Variants in TEX36 observed in about 807,000 individuals in gnomAD.
TEX36 encodes testis expressed 36, also known as testis-expressed protein 36.
Under a neutral mutation model 13.6 loss-of-function variants are expected in TEX36, and 12 were observed. That is an observed-to-expected ratio of 0.88 (90% CI 0.56 to 1.43). The LOEUF is 1.43. TEX36 is among the 40% of genes most tolerant of loss of function. TEX36 has a pLI of 0.00. For missense variants in TEX36, 224 were observed against 228.3 expected, an observed-to-expected ratio of 0.98 and a Z score of 0.12; for synonymous variants, 93 against 83.0, an observed-to-expected ratio of 1.12 and a Z score of -0.65.
intron 3 of TEX36, among the ~76,000 whole-genome samples, chr10:125,598,111 TG>T (rs1846104206): frequency 6.6e-6 from 1 of 152,144 alleles, no homozygotes; most frequent in Non-Finnish European, 1.5e-5. Context: ...CTAGGGTCTG[TG>T]GGCCACCTGC....
At chr10:125,619,898 T>C (rs1846408410), downstream of TEX36, among the ~76,000 whole-genome samples, 1 of 151,106 alleles carries the variant, frequency 6.6e-6, no homozygotes, top group African/African-American at 2.4e-5. Flanking sequence ...TATGTGTGCA[T>C]ATATATATAT....
intron 1 of TEX36, among the ~76,000 whole-genome samples, chr10:125,673,989 T>C (rs1847273076): frequency 6.6e-6 from 1 of 152,140 alleles, no homozygotes; most frequent in African/African-American, 2.4e-5. Context: ...TTGGGGAAGT[T>C]CTGGATGATA....
chr10:125,615,734 C>T (rs1306661096), intron 3 of TEX36, among the ~76,000 whole-genome samples: 1 of 151,726 alleles, frequency 6.6e-6, no homozygotes, highest in Non-Finnish European at 1.5e-5. Flanking sequence ...GGATATTGGT[C>T]TAAAATTCTC....
intron 3 of TEX36, among the ~76,000 whole-genome samples, chr10:125,613,215 TC>T (rs1565174367): frequency 8.1e-6 from 1 of 123,414 alleles, no homozygotes; most frequent in African/African-American, 3.6e-5. Context: ...TTTCCCCACT[TC>T]CTTTTTTTTT....
At chr10:125,648,056 T>C (rs1490530942) in intron 3 of TEX36, among the ~76,000 whole-genome samples, 1 of 152,224 alleles carries the variant, frequency 6.6e-6, no homozygotes, top group African/African-American at 2.4e-5. Context: ...GGCCTGCCTC[T>C]GTAGACTTCA....
intron 3 of TEX36, among the ~76,000 whole-genome samples, chr10:125,591,848 G>A (rs1373998734): frequency 2.0e-5 from 3 of 152,066 alleles, no homozygotes; most frequent in Non-Finnish European, 4.4e-5. Flanking sequence ...CTGCTTGTAT[G>A]AGAATCATTA....
intron 1 of TEX36, among the ~76,000 whole-genome samples, chr10:125,681,418 T>A (rs1027572782): frequency 6.6e-6 from 1 of 152,258 alleles, no homozygotes; most frequent in East Asian, 1.9e-4. Context: ...GAAAGCTACT[T>A]AATCTGAGCA....
At chr10:125,643,420 G>A (rs528486288) in intron 3 of TEX36, among the ~76,000 whole-genome samples, 159 of 152,084 alleles carry the variant, frequency 1.0e-3, no homozygotes, top group Non-Finnish European at 1.8e-3. Flanking sequence ...CCAGCCTGGC[G>A]AACATGGCGA....
At chr10:125,637,489 C>G (rs985043737) in intron 3 of TEX36, among the ~76,000 whole-genome samples, 2 of 152,064 alleles carry the variant, frequency 1.3e-5, no homozygotes, top group African/African-American at 4.8e-5. Context: ...ACCTGTTGAC[C>G]GGATGTCCAG....
chr10:125,617,676 C>T (rs1263912775), downstream of TEX36, among the ~76,000 whole-genome samples: 1 of 152,204 alleles, frequency 6.6e-6, no homozygotes, highest in Non-Finnish European at 1.5e-5. Flanking sequence ...TGATGGGCTT[C>T]CCTTTGAGGG....
At chr10:125,667,846 C>T in intron 1 of TEX36, 1 of 1,502,214 alleles carries the variant, frequency 6.7e-7, no homozygotes, top group Non-Finnish European at 9.2e-7. Context: ...TCCCAGTGGA[C>T]TCATCTGCAG....
chr10:125,576,849 T>C, exon 4 of TEX36: 1 of 1,536,116 alleles, frequency 6.5e-7, no homozygotes, highest in Non-Finnish European at 8.7e-7. Context: ...TGGTTCTCCC[T>C]GTGGGTCCGT....
At chr10:125,583,611 G>A (rs960669416) in intron 3 of TEX36, among the ~76,000 whole-genome samples, 8 of 152,192 alleles carry the variant, frequency 5.3e-5, no homozygotes, top group African/African-American at 1.9e-4. Flanking sequence ...CATGTAAATT[G>A]TAGAGGACAC....
intron 3 of TEX36, among the ~76,000 whole-genome samples, chr10:125,644,889 C>T (rs549309698): frequency 1.3e-5 from 2 of 152,310 alleles, no homozygotes; most frequent in South Asian, 4.1e-4. Context: ...GATTGCAAAA[C>T]TTGAGAGAGG....
chr10:125,670,312 T>C (rs12400851), intron 1 of TEX36, among the ~76,000 whole-genome samples: 1 of 152,164 alleles, frequency 6.6e-6, no homozygotes, highest in African/African-American at 2.4e-5. Context: ...TGGTATCTCA[T>C]TGTGGTTTTG....
chr10:125,655,583 T>G, downstream of TEX36: 3 of 742,120 alleles, frequency 4.0e-6, no homozygotes, highest in South Asian at 5.4e-5. Flanking sequence ...CATACAGGAT[T>G]GGAGATGTGG....
At chr10:125,675,169 G>A (rs1311680966) in intron 1 of TEX36, among the ~76,000 whole-genome samples, 1 of 152,180 alleles carries the variant, frequency 6.6e-6, no homozygotes, top group East Asian at 1.9e-4. Flanking sequence ...ATGGACCAGA[G>A]TCCAGCTTAA....
At chr10:125,675,739 T>C (rs1847301152) in intron 1 of TEX36, among the ~76,000 whole-genome samples, 1 of 152,190 alleles carries the variant, frequency 6.6e-6, no homozygotes, top group African/African-American at 2.4e-5. Context: ...TCTGACAGAA[T>C]CAGGATACCT....
At chr10:125,618,538 A>G (rs1299743406), downstream of TEX36, among the ~76,000 whole-genome samples, 1 of 151,646 alleles carries the variant, frequency 6.6e-6, no homozygotes, top group African/African-American at 2.4e-5. Context: ...CTGTTGGAGT[A>G]CCCGGCTGTG....
Sources: gnomAD v4.1 joint callset for allele counts (sites outside exome capture counted in the v4.1 genomes callset) on GRCh38, gnomAD v4.1.1 for gene constraint, MANE v1.5 for transcripts, NCBI Gene and HGNC (gene_info 2026-07-23, HGNC 2026-07-21) for gene names.